PCDHA9: variants seen among roughly 807,000 people sequenced by gnomAD.
The protein encoded by PCDHA9 is protocadherin alpha 9, also known as protocadherin alpha-9.
In PCDHA9, 62 loss-of-function variants were observed where a neutral mutation model predicts 62.0. The observed-to-expected ratio is 1.00, with a 90% CI of 0.81 to 1.23. PCDHA9 has a LOEUF of 1.23. Among genes scored for constraint, PCDHA9 ranks in the 50% most tolerant of loss-of-function variants. The pLI, the probability that PCDHA9 is intolerant of heterozygous loss-of-function variation, is 0.00. For missense variants in PCDHA9, 1,205 were observed against 1,249.8 expected (o/e 0.96, Z 0.54); for synonymous variants, 557 against 567.6 (o/e 0.98, Z 0.27).
chr5:140,917,442 G>C (rs186885625), intron 1 of PCDHA9, among the ~76,000 whole-genome samples: 5 of 152,072 alleles, frequency 3.3e-5, no homozygotes, highest in Admixed American at 3.3e-4. Flanking sequence ...TGTTTTTGCT[G>C]CAAGAGCGTT....
intron 1 of PCDHA9, chr5:140,870,411 C>T: frequency 6.2e-7 from 1 of 1,614,212 alleles, no homozygotes; most frequent in East Asian, 2.2e-5. Context: ...CTCTGTGGGC[C>T]ACGGCCAGGG....
At chr5:140,876,334 A>G (rs782377581) in intron 1 of PCDHA9, 3 of 1,613,912 alleles carry the variant, frequency 1.9e-6, no homozygotes, top group African/African-American at 1.3e-5. Flanking sequence ...TTTGCCAGTG[A>G]GTGAGAAATG....
At chr5:140,874,045 A>C (rs1365438306) in intron 1 of PCDHA9, among the ~76,000 whole-genome samples, 1 of 152,212 alleles carries the variant, frequency 6.6e-6, no homozygotes, top group East Asian at 1.9e-4. Flanking sequence ...CTTGGTGATG[A>C]TATTAGACAA....
At position 140,869,155 on chromosome 5, in the gene PCDHA9, C is replaced by G. The variant is rs74664704; in HGVS notation, c.2394+18266C>G. On this transcript the variant is annotated intron_variant, in intron 1 of 3. Transcript: ENST00000532602. The stretch of plus-strand genomic sequence containing the variant: ...GGGCACCCCACGACTACAGCTCTGG[C>G]TTCTCCTCCTCGAATTCTGGGAGGT... 3.7e-4 allele frequency: 593 copies of G among 1,613,808 alleles called. 1 individual carries two copies. In the African/African-American group the frequency reaches 7.1e-3, roughly 19 times the overall value.
At chr5:140,987,432 T>G (rs1401623974) in intron 3 of PCDHA9, among the ~76,000 whole-genome samples, 1 of 152,152 alleles carries the variant, frequency 6.6e-6, no homozygotes, top group Non-Finnish European at 1.5e-5. Flanking sequence ...GCAGGGGGCC[T>G]TTCCCCATGC....
In PCDHA9 at chr5:141,010,916, A is replaced by G. The variant is rs1554263193; in HGVS notation, c.*979A>G. The G allele has an allele frequency of 6.5e-6, 1 of 153,780 alleles. No individual in the cohort carries two copies. The highest frequency in any genetic ancestry group is 2.4e-5 in the African/African-American group (1 of 41,454). 9.5% of individuals were successfully genotyped at this position (153,780 alleles called of 1,614,324 possible). On this transcript the variant is annotated 3_prime_UTR_variant, in exon 4 of 4. Transcript: ENST00000532602. ...ATACAATTCCCCTAAACTCTCCTCAAAAGAGAATTCAGTCTACAGCCATTT... is the reference window on the plus strand; with the variant it reads ...ATACAATTCCCCTAAACTCTCCTCAGAAGAGAATTCAGTCTACAGCCATTT...
chr5:140,998,186 CA>C (rs1323195881), intron 3 of PCDHA9, among the ~76,000 whole-genome samples: 1 of 152,088 alleles, frequency 6.6e-6, no homozygotes, highest in African/African-American at 2.4e-5. Context: ...AAGCACTTTA[CA>C]AGTATTAACT....
At chr5:141,002,052 G>GGCA (rs1217531547) in intron 3 of PCDHA9, among the ~76,000 whole-genome samples, 1 of 152,206 alleles carries the variant, frequency 6.6e-6, no homozygotes, top group Non-Finnish European at 1.5e-5. Flanking sequence ...GGCATCCAGA[G>GGCA]GCAGCAGCAG....
intron 1 of PCDHA9, among the ~76,000 whole-genome samples, chr5:140,937,820 G>T (rs554138611): frequency 2.6e-5 from 4 of 151,792 alleles, no homozygotes; most frequent in African/African-American, 9.7e-5. Flanking sequence ...GCTGAGGCAG[G>T]AGAATGGCAT....
Position 140,877,092 on chromosome 5 carries a change from C to T in PCDHA9, c.2394+26203C>T, listed in dbSNP as rs200462899. On this transcript the variant is annotated intron_variant, in intron 1 of 3. Coordinates refer to ENST00000532602, the MANE Select transcript of PCDHA9 (RefSeq NM_031857.2). ...AGTTCCAGGTGAGCGCGCGCGACGCCGGCGTGCCGCCTCTGGGCAGCAACG... is the reference window on the plus strand; with the variant it reads ...AGTTCCAGGTGAGCGCGCGCGACGCTGGCGTGCCGCCTCTGGGCAGCAACG... The T allele has an allele frequency of 2.9e-3, 4,637 of 1,613,220 alleles. 21 individuals carry two copies. Among genetic ancestry groups the T allele is most frequent in the African/African-American group, 0.01 (785 of 75,014 alleles).
At chr5:140,978,769 T>C in intron 1 of PCDHA9, 180 bp from the exon 2 acceptor site, 1 of 957,338 alleles carries the variant, frequency 1.0e-6, no homozygotes, top group Non-Finnish European at 1.2e-6. Flanking sequence ...CCTGATGAAC[T>C]AATTTTCTTC....
intron 1 of PCDHA9, chr5:140,868,008 G>C (rs953372223): frequency 2.2e-4 from 34 of 152,046 alleles, no homozygotes; most frequent in African/African-American, 7.7e-4. Context: ...AACTGAATTA[G>C]ATTAAGGAAA....
At chr5:140,985,180 G>A (rs782679962) in intron 3 of PCDHA9, among the ~76,000 whole-genome samples, 1 of 152,028 alleles carries the variant, frequency 6.6e-6, no homozygotes, top group Non-Finnish European at 1.5e-5. Flanking sequence ...CTCGTAATCC[G>A]CCTGCCTCGG....
chr5:140,849,056 G>T lies in PCDHA9; in HGVS notation c.561G>T (p.Gln187His). ...TCCTGGACGTGCCAACCAGCAACCA[G>T]CAGGTAAAACCTCTTGGACTTGTAT... Reference protein sequence around the residue: ...YFFLDVPTSNQQVKPLGLVLR... With the variant: ...YFFLDVPTSNHQVKPLGLVLR... The change falls in exon 1 of 4, where the codon CAG becomes CAT. Residue 187 changes from glutamine to histidine, a missense_variant. Transcript: ENST00000532602. 6.4e-7 allele frequency: 1 copy of T among 1,554,944 alleles called. No homozygotes were observed. Among genetic ancestry groups the T allele is most frequent in the South Asian group, 1.1e-5 (1 of 88,866 alleles).
intron 1 of PCDHA9, chr5:140,882,379 G>A (rs782537158): frequency 1.9e-6 from 3 of 1,614,230 alleles, no homozygotes; most frequent in South Asian, 1.1e-5. Context: ...CCGTCCCCGA[G>A]GAAGCAAAAC....
At chr5:140,969,152 T>C in intron 1 of PCDHA9, 1 of 1,614,002 alleles carries the variant, frequency 6.2e-7, no homozygotes, top group East Asian at 2.2e-5. Flanking sequence ...CTACAAGGCC[T>C]GTCTGACAGC....
intron 1 of PCDHA9, chr5:140,857,366 G>T: frequency 6.3e-7 from 1 of 1,598,350 alleles, no homozygotes. Flanking sequence ...CACGGCCAGC[G>T]TGTCTGTGGA....
At chr5:140,900,139 G>A (rs985320509) in intron 1 of PCDHA9, among the ~76,000 whole-genome samples, 2 of 152,156 alleles carry the variant, frequency 1.3e-5, no homozygotes, top group East Asian at 3.9e-4. Context: ...CCACAAATAA[G>A]TAAGAACATA....
chr5:140,862,575 G>T (rs1272278191), intron 1 of PCDHA9: 3 of 486,640 alleles, frequency 6.2e-6, no homozygotes, highest in Non-Finnish European at 1.3e-5. Context: ...ATGCCCTGGC[G>T]TTCCAGCAGC....
Sources: gnomAD v4.1 joint callset for allele counts (sites outside exome capture counted in the v4.1 genomes callset) on GRCh38, gnomAD v4.1.1 for gene constraint, MANE v1.5 for transcripts, NCBI Gene and HGNC (gene_info 2026-07-23, HGNC 2026-07-21) for gene names.